Variants in ZNF433 observed in about 807,000 individuals in gnomAD.
The protein encoded by ZNF433 is zinc finger protein 433.
In ZNF433, 12 loss-of-function variants were observed where a neutral mutation model predicts 10.6. That is an observed-to-expected ratio of 1.13 (90% CI 0.72 to 1.83). The LOEUF is 1.83. Ranked by LOEUF, ZNF433 falls within the 40% of genes most tolerant of loss-of-function variation. ZNF433 has a pLI of 0.00. For synonymous variants in ZNF433, 272 were observed against 271.3 expected, an observed-to-expected ratio of 1.00 and a Z score of -0.02; for missense variants, 737 against 798.0, an observed-to-expected ratio of 0.92 and a Z score of 0.92.
chr19:12,031,425 G>A lies in ZNF433; in HGVS notation c.3+4112C>T, dbSNP rs59805519. 5.9e-3 allele frequency among the ~76,000 whole-genome samples: 895 copies of A among 152,080 alleles called. 7 individuals are homozygous for A. Among genetic ancestry groups the A allele is most frequent in the African/African-American group, 0.015 (621 of 41,488 alleles). ...GCACTTTGGGATGCCAAGAAGGGGC[G>A]GATCACTTGATGTCAGGAATTCAAG... is the stretch of plus-strand genomic sequence containing the variant. On this transcript the variant is annotated intron_variant, in intron 1 of 3. Coordinates refer to ENST00000550507, the MANE Select transcript of ZNF433 (RefSeq NM_001308348.2).
chr19:12,032,722 G>T lies in ZNF433; in HGVS notation c.3+2815C>A, dbSNP rs965343485. On this transcript the variant is annotated intron_variant, in intron 1 of 3. Transcript: ENST00000550507. ...TGGTCTTGAACTCCTGACCTCAGGT[G>T]ATCCACCTGCCTTGGCCTCTCAAAG... Among the ~76,000 whole-genome samples, 3 of 152,122 alleles carry T rather than the reference G, an allele frequency of 2.0e-5. No homozygotes were observed. In the South Asian group the frequency reaches 6.2e-4, roughly 32 times the overall value.
At position 12,018,210 on chromosome 19, in the gene ZNF433, C is replaced by A; in HGVS notation, c.86G>T (p.Cys29Phe). 1.2e-6 allele frequency: 2 copies of A among 1,612,588 alleles called. No individual in the cohort carries two copies. The highest frequency in any genetic ancestry group is 1.7e-6 in the Non-Finnish European group (2 of 1,179,410). Reference sequence around the variant, plus strand: ...GAAGGTTTCTTGCATCACATCTCTACAGAGATTTTTCTGGGAAGGATCCAG... The same window carrying A: ...GAAGGTTTCTTGCATCACATCTCTAAAGAGATTTTTCTGGGAAGGATCCAG... ...ALLDPSQKNLCRDVMQETFRN... is the reference protein window; with the variant it reads ...ALLDPSQKNLFRDVMQETFRN... Residue 29 changes from cysteine to phenylalanine, a missense_variant, in exon 2 of 4, where the codon TGT becomes TTT. Transcript: ENST00000550507.
At chr19:12,029,086 A>G (rs1236505570) in intron 1 of ZNF433, among the ~76,000 whole-genome samples, 2 of 152,218 alleles carry the variant, frequency 1.3e-5, no homozygotes, top group Non-Finnish European at 2.9e-5. Context: ...TTAAACACAC[A>G]CTGATTATCA....
chr19:12,017,565 TG>T (rs1974271711), intron 3 of ZNF433, among the ~76,000 whole-genome samples: 1 of 151,374 alleles, frequency 6.6e-6, no homozygotes, highest in Non-Finnish European at 1.5e-5. Context: ...TTTTTAAATT[TG>T]TTTTTTGGGT....
chr19:12,015,742 A>G lies in ZNF433; in HGVS notation c.1116T>C (p.Phe372=). 1 of 1,613,384 alleles carries G rather than the reference A, an allele frequency of 6.2e-7. No homozygotes were observed. The highest frequency in any genetic ancestry group is 8.5e-7 in the Non-Finnish European group (1 of 1,179,872). ...GTGTTTGAAGTGAACTGGGAGAATAAAAGGCTTTCCCACATATCTTACATT... is the reference window on the plus strand; with the variant it reads ...GTGTTTGAAGTGAACTGGGAGAATAGAAGGCTTTCCCACATATCTTACATT... ...SHKCKICGKA[F]YSPSSLQTHE... is the part of the protein sequence containing the mutation. The change falls in exon 4 of 4, where the codon TTT becomes TTC. Residue 372 remains phenylalanine (F), a synonymous_variant. Transcript: ENST00000550507.
At chr19:12,017,974 A>G (rs1974294813) in intron 2 of ZNF433, 38 bp from the exon 3 acceptor site, 13 of 1,456,398 alleles carry the variant, frequency 8.9e-6, no homozygotes, top group Non-Finnish European at 1.1e-5. Context: ...TTGAATTAGT[A>G]TAAAATTATT....
intron 1 of ZNF433, among the ~76,000 whole-genome samples, chr19:12,028,514 T>C (rs999396677): frequency 2.6e-5 from 4 of 152,210 alleles, no homozygotes; most frequent in East Asian, 1.9e-4. Flanking sequence ...CACTGTGAAA[T>C]TGTTTTATGT....
chr19:12,034,089 C>T (rs1431451889), intron 1 of ZNF433, among the ~76,000 whole-genome samples: 2 of 152,012 alleles, frequency 1.3e-5, no homozygotes, highest in Admixed American at 6.6e-5. Context: ...AGATCTTGGC[C>T]AAGAACATGG....
chr19:12,029,674 G>T (rs987499360), intron 1 of ZNF433, among the ~76,000 whole-genome samples: 1 of 151,968 alleles, frequency 6.6e-6, no homozygotes, highest in African/African-American at 2.4e-5. Flanking sequence ...GCATCTCTGA[G>T]AAGTCATTAG....
intron 1 of ZNF433, 135 bp from the exon 2 acceptor site, chr19:12,018,427 T>C: frequency 9.8e-7 from 1 of 1,017,140 alleles, no homozygotes; most frequent in Non-Finnish European, 1.3e-6. Context: ...CCTCATACTC[T>C]CTGTCTACAC....
At chr19:12,028,998 A>G (rs1974871924) in intron 1 of ZNF433, among the ~76,000 whole-genome samples, 1 of 152,228 alleles carries the variant, frequency 6.6e-6, no homozygotes, top group Non-Finnish European at 1.5e-5. Context: ...GAAAGGATAT[A>G]AAATTATTAT....
At chr19:12,017,828 C>G (rs1974284591) in intron 3 of ZNF433, 48 bp downstream of exon 3, 1 of 1,065,474 alleles carries the variant, frequency 9.4e-7, no homozygotes, top group Middle Eastern at 2.1e-4. Context: ...TTCTCCCATT[C>G]TAAGATTTTC....
rs1038263915 is a variant in ZNF433, at chr19:12,016,753, C to G, written c.192-87G>C. 4.1e-6 allele frequency: 6 copies of G among 1,478,868 alleles called. No individual in the cohort carries two copies. In the African/African-American group the frequency reaches 7.1e-5, roughly 17 times the overall value. The allele number at this position is 1,478,868 out of a possible 1,614,324, so 91.6% of individuals were successfully genotyped here. On this transcript the variant is annotated intron_variant, in intron 3 of 3. Transcript: ENST00000550507. The stretch of plus-strand genomic sequence containing the variant: ...CAAGTATTGCACTTGCATTTTTTCT[C>G]TTTTTTTTGAGATGGAGTCTCACTC...
At chr19:12,031,400 G>C (rs1975023116) in intron 1 of ZNF433, among the ~76,000 whole-genome samples, 2 of 151,582 alleles carry the variant, frequency 1.3e-5, no homozygotes, top group Admixed American at 1.3e-4. Flanking sequence ...TGTAATCCCA[G>C]CACTTTGGGA....
At position 12,015,528 on chromosome 19, in the gene ZNF433, C is replaced by T. The variant is rs775914267; in HGVS notation, c.1330G>A (p.Glu444Lys). ...CATTCCTTACATGCATAGGGTTTCT[C>T]TCCCGTGTGAGTCCTACCATGTGTT... ...LQTHGRTHTG[E>K]KPYACKECGK... The change falls in exon 4 of 4, where the codon GAG (glutamate) becomes AAG (lysine). Residue 444 changes from glutamate to lysine, a missense_variant. Coordinates refer to ENST00000550507, the MANE Select transcript of ZNF433 (RefSeq NM_001308348.2). The T allele has an allele frequency of 8.1e-6, 13 of 1,614,042 alleles. No homozygotes were observed. The highest frequency in any genetic ancestry group is 3.3e-4 in the Middle Eastern group (2 of 6,062).
chr19:12,034,693 A>C (rs1975192389), intron 1 of ZNF433: 1 of 407,440 alleles, frequency 2.5e-6, no homozygotes, highest in African/African-American at 2.1e-5. Flanking sequence ...TCACTTAAGC[A>C]ATCCTTCCTA....
chr19:12,034,497 A>T (rs1975183609), intron 1 of ZNF433: 1 of 238,530 alleles, frequency 4.2e-6, no homozygotes, highest in African/African-American at 2.2e-5. Context: ...ACCCACCTTC[A>T]TGTTAAAACA....
intron 1 of ZNF433, chr19:12,027,851 A>T (rs1450662571): frequency 6.6e-6 from 1 of 152,170 alleles, no homozygotes; most frequent in Admixed American, 6.6e-5. Context: ...TGTCAGGACC[A>T]GGTATAGAAT....
rs770798331 is a variant in ZNF433, at chr19:12,016,144, A to T, written c.714T>A (p.Leu238=). 1.2e-6 allele frequency: 2 copies of T among 1,614,134 alleles called. No individual in the cohort carries two copies. The highest frequency in any genetic ancestry group is 1.7e-6 in the Non-Finnish European group (2 of 1,180,018). ...CAGTGTGAGTTCTTTCATGTATTCG[A>T]AGGCTACTAGAATGACTAAAGGCTT... is the stretch of plus-strand genomic sequence containing the variant. ...CGKAFSHSSS[L]RIHERTHTGE... Residue 238 remains leucine (L), a synonymous_variant, in exon 4 of 4, where the codon CTT becomes CTA. Coordinates refer to ENST00000550507, the MANE Select transcript of ZNF433 (RefSeq NM_001308348.2).
Sources: allele counts gnomAD v4.1 joint callset (sites outside exome capture counted in the v4.1 genomes callset), GRCh38; gene constraint gnomAD v4.1.1; transcripts MANE v1.5; gene names NCBI Gene and HGNC (gene_info 2026-07-23, HGNC 2026-07-21).